The following ZNF827 variants were observed in gnomAD, a reference collection of about 807,000 sequenced individuals.
ZNF827 encodes zinc finger protein 827.
A neutral mutation model predicts 102.4 loss-of-function variants in ZNF827; 13 were observed. That is an observed-to-expected ratio of 0.13 (90% CI 0.08 to 0.20). ZNF827 has a LOEUF of 0.20. Ranked by LOEUF, ZNF827 falls within the 10% of genes least tolerant of loss-of-function variation. The pLI, the probability that ZNF827 is intolerant of heterozygous loss-of-function variation, is 1.00. For missense variants in ZNF827, 1,103 were observed against 1,344.4 expected (o/e 0.82, Z 2.81); for synonymous variants, 523 against 536.2 (o/e 0.98, Z 0.34).
chr4:145,867,791 C>T (rs1748336347), intron 5 of ZNF827, among the ~76,000 whole-genome samples: 1 of 152,194 alleles, frequency 6.6e-6, no homozygotes, highest in South Asian at 2.1e-4. Flanking sequence ...ACAGCTACAA[C>T]AAAGCTTTGG....
At chr4:145,938,338 A>G in intron 1 of ZNF827, 27 bp downstream of exon 1, 1 of 1,613,696 alleles carries the variant, frequency 6.2e-7, no homozygotes, top group Non-Finnish European at 8.5e-7. Flanking sequence ...AAATGGCACG[A>G]GAGGAGGTGG....
At chr4:145,846,413 G>A (rs1023206120) in intron 6 of ZNF827, among the ~76,000 whole-genome samples, 1 of 151,856 alleles carries the variant, frequency 6.6e-6, no homozygotes. Flanking sequence ...GGGAGGCGGA[G>A]CTTGCAGCGA....
chr4:145,836,233 ATC>A (rs1484899403), intron 7 of ZNF827, among the ~76,000 whole-genome samples: 1 of 140,780 alleles, frequency 7.1e-6, no homozygotes, highest in Non-Finnish European at 1.5e-5. Context: ...TGTCCAACTG[ATC>A]TCTCAAACCC....
chr4:145,788,330 C>T lies in ZNF827; in HGVS notation c.2384-8819G>A, dbSNP rs548338016. On this transcript the variant is annotated intron_variant, in intron 8 of 14. Coordinates refer to ENST00000508784, the MANE Select transcript of ZNF827 (RefSeq NM_001306215.2). ...TAACAGAAATGGCTAGTACTAGGTGCCCCTAATTCCAGTGAGGCTGATCAC... is the reference window on the plus strand; with the variant it reads ...TAACAGAAATGGCTAGTACTAGGTGTCCCTAATTCCAGTGAGGCTGATCAC... Among the ~76,000 whole-genome samples the T allele has an allele frequency of 3.9e-5, 6 of 152,270 alleles. No homozygotes were observed. The South Asian group carries it at 1.0e-3, about 26-fold the overall frequency.
chr4:145,823,528 G>A lies in ZNF827; in HGVS notation c.2280-3C>T, dbSNP rs761167579. On this transcript the variant is annotated splice_polypyrimidine_tract_variant and splice_region_variant and intron_variant, in intron 7 of 14. Transcript: ENST00000508784. ...ATGTGTCTTCTGAAAAGAAAGGGCT[G>A]GGGTGGGGGAGGGGGAGTGAAGTTT... is the stretch of plus-strand genomic sequence containing the variant. 2 of 1,602,304 alleles carry A rather than the reference G, an allele frequency of 1.2e-6. No homozygotes were observed. The highest frequency in any genetic ancestry group is 1.3e-5 in the African/African-American group (1 of 74,698).
chr4:145,783,292 T>C (rs1016116438), intron 8 of ZNF827, among the ~76,000 whole-genome samples: 4 of 152,242 alleles, frequency 2.6e-5, no homozygotes, highest in South Asian at 4.1e-4. Flanking sequence ...GTGAGGTGAA[T>C]AGACATTATT....
chr4:145,862,126 T>C (rs1747790695), intron 5 of ZNF827, among the ~76,000 whole-genome samples: 1 of 152,162 alleles, frequency 6.6e-6, no homozygotes, highest in South Asian at 2.1e-4. Flanking sequence ...GTAAAGGCCA[T>C]GTGGAATTAC....
In ZNF827 at chr4:145,907,250, T is replaced by A. The variant is rs1440204786; in HGVS notation, c.44-4035A>T. On this transcript the variant is annotated intron_variant, in intron 1 of 14. Transcript: ENST00000508784. ...TGGGCTCCTCTATTTTCATGTCCAA[T>A]CTCATAATGGAGGAGTTCTTGAATG... 11 of 455,322 alleles carry A rather than the reference T, an allele frequency of 2.4e-5. No individual in the cohort carries two copies. In the Admixed American group the frequency reaches 2.6e-4, roughly 11 times the overall value. 28.2% of individuals were successfully genotyped at this position (455,322 alleles called of 1,614,324 possible).
chr4:145,870,218 G>A, intron 5 of ZNF827, 27 bp downstream of exon 5: 1 of 1,606,684 alleles, frequency 6.2e-7, no homozygotes, highest in South Asian at 1.1e-5. Flanking sequence ...CTATCAGAAT[G>A]TGAATATTTT....
chr4:145,779,580 C>G, intron 8 of ZNF827, 69 bp from the exon 9 acceptor site: 1 of 1,566,276 alleles, frequency 6.4e-7, no homozygotes, highest in Non-Finnish European at 8.7e-7. Flanking sequence ...AGTCAACATT[C>G]AGGATTTCAG....
intron 1 of ZNF827, among the ~76,000 whole-genome samples, chr4:145,934,990 T>A (rs1408161590): frequency 6.6e-6 from 1 of 152,228 alleles, no homozygotes; most frequent in Non-Finnish European, 1.5e-5. Context: ...TAACCTCTTT[T>A]GTATTTACTC....
At chr4:145,775,170 C>T (rs1560904694) in intron 10 of ZNF827, among the ~76,000 whole-genome samples, 1 of 152,188 alleles carries the variant, frequency 6.6e-6, no homozygotes, top group Non-Finnish European at 1.5e-5. Context: ...TCCGGGACAA[C>T]TTCTGATAGA....
At position 145,914,062 on chromosome 4, in the gene ZNF827, G is replaced by GACACACAC. The variant is rs34866639; in HGVS notation, c.44-10855_44-10848dup. ...ACATAAAATGATACATTTCTTTGTAGACACACACACACACACACACACACA... is the reference window on the plus strand; with the variant it reads ...ACATAAAATGATACATTTCTTTGTAGACACACACACACACACACACACACACACACACA... On this transcript the variant is annotated intron_variant, in intron 1 of 14. Transcript: ENST00000508784. Among the ~76,000 whole-genome samples, 1,132 of 148,200 alleles carry GACACACAC rather than the reference G, an allele frequency of 7.6e-3. 8 individuals are homozygous for GACACACAC. Among genetic ancestry groups the GACACACAC allele is most frequent in the East Asian group, 0.042 (215 of 5,064 alleles).
chr4:145,880,349 A>G (rs188190198), intron 4 of ZNF827, among the ~76,000 whole-genome samples: 207 of 152,360 alleles, frequency 1.4e-3, no homozygotes, highest in African/African-American at 4.8e-3. Flanking sequence ...ACCACCTACT[A>G]TGGCGTTGCC....
chr4:145,778,118 C>T (rs1158800963), intron 9 of ZNF827, among the ~76,000 whole-genome samples: 1 of 151,746 alleles, frequency 6.6e-6, no homozygotes, highest in African/African-American at 2.4e-5. Flanking sequence ...ATGGAGAAAC[C>T]CCATTTCTAC....
chr4:145,863,264 T>C (rs993452691), intron 5 of ZNF827, among the ~76,000 whole-genome samples: 5 of 152,236 alleles, frequency 3.3e-5, no homozygotes, highest in Non-Finnish European at 7.3e-5. Context: ...TTTGCAAGGA[T>C]GTGGAGAAAT....
intron 8 of ZNF827, among the ~76,000 whole-genome samples, chr4:145,806,779 TTTA>T (rs1741498103): frequency 6.6e-6 from 1 of 152,194 alleles, no homozygotes; most frequent in Non-Finnish European, 1.5e-5. Flanking sequence ...CAGCTATTAT[TTTA>T]TTAATTATAC....
chr4:145,920,747 G>A (rs796786880), intron 1 of ZNF827, among the ~76,000 whole-genome samples: 27 of 152,204 alleles, frequency 1.8e-4, no homozygotes, highest in African/African-American at 6.3e-4. Flanking sequence ...ACACCTATGG[G>A]ATTCCCCCCT....
At chr4:145,915,405 C>A (rs908956907) in intron 1 of ZNF827, among the ~76,000 whole-genome samples, 6 of 152,030 alleles carry the variant, frequency 3.9e-5, no homozygotes, top group Non-Finnish European at 8.8e-5. Context: ...TGAGATGGCG[C>A]CATTGCACTC....
Sources: gnomAD v4.1 joint callset for allele counts (sites outside exome capture counted in the v4.1 genomes callset) on GRCh38, gnomAD v4.1.1 for gene constraint, MANE v1.5 for transcripts, NCBI Gene and HGNC (gene_info 2026-07-23, HGNC 2026-07-21) for gene names.